CSMD1: variants seen among roughly 807,000 people sequenced by gnomAD.
CSMD1 encodes the protein CUB and sushi domain-containing protein 1.
Under a neutral mutation model 417.5 loss-of-function variants are expected in CSMD1, and 213 were observed. The observed-to-expected ratio is 0.51, with a 90% CI of 0.46 to 0.57. CSMD1 has a LOEUF of 0.57. CSMD1 is among the 20% of genes least tolerant of loss of function. The probability of loss-of-function intolerance (pLI) is 0.00; values close to 1 mark genes in which losing one functional copy is unlikely to be tolerated. For synonymous variants in CSMD1, 2,862 were observed against 1,736.8 expected (o/e 1.65, Z -16.11); for missense variants, 6,923 against 4,529.7 (o/e 1.53, Z -15.17).
chr8:3,571,863 C>G (rs1208316561), intron 10 of CSMD1, among the ~76,000 whole-genome samples: 2 of 152,158 alleles, frequency 1.3e-5, no homozygotes, highest in South Asian at 2.1e-4. Context: ...CGTCTCACGT[C>G]TCCTTCTGGA....
intron 11 of CSMD1, among the ~76,000 whole-genome samples, chr8:3,492,364 G>A (rs928878123): frequency 6.6e-6 from 1 of 152,054 alleles, no homozygotes; most frequent in South Asian, 2.1e-4. Context: ...CAGCTCATCT[G>A]GCACCACAGA....
At chr8:4,313,221 A>C (rs1798728342) in intron 3 of CSMD1, among the ~76,000 whole-genome samples, 2 of 152,044 alleles carry the variant, frequency 1.3e-5, no homozygotes, top group African/African-American at 4.8e-5. Flanking sequence ...AAAGCTTAAC[A>C]ACCCTGAAAA....
At chr8:4,013,963 C>G (rs1042821450) in intron 4 of CSMD1, among the ~76,000 whole-genome samples, 1 of 152,140 alleles carries the variant, frequency 6.6e-6, no homozygotes, top group African/African-American at 2.4e-5. Flanking sequence ...TAATACTTTG[C>G]AGGTCCTCAA....
chr8:4,258,680 G>A (rs191190269), intron 3 of CSMD1, among the ~76,000 whole-genome samples: 1 of 151,554 alleles, frequency 6.6e-6, no homozygotes, highest in Admixed American at 6.6e-5. Context: ...TCACCTTCCA[G>A]AGGACTTACC....
intron 5 of CSMD1, among the ~76,000 whole-genome samples, chr8:3,955,244 C>A (rs563660859): frequency 6.4e-4 from 98 of 152,234 alleles, no homozygotes; most frequent in African/African-American, 2.2e-3. Flanking sequence ...CCCCACAGAT[C>A]CCACCGGCAA....
At chr8:3,743,873 T>C (rs1563332574) in intron 6 of CSMD1, among the ~76,000 whole-genome samples, 1 of 152,210 alleles carries the variant, frequency 6.6e-6, no homozygotes, top group East Asian at 1.9e-4. Context: ...TTATCGTATG[T>C]AAAATCCAGA....
chr8:3,557,625 T>C (rs1380142994), intron 10 of CSMD1, among the ~76,000 whole-genome samples: 4 of 152,174 alleles, frequency 2.6e-5, no homozygotes, highest in African/African-American at 7.2e-5. Context: ...TTCCTCTGCT[T>C]TGAGGCCCTA....
intron 10 of CSMD1, among the ~76,000 whole-genome samples, chr8:3,541,555 T>C (rs920919368): frequency 1.4e-5 from 2 of 144,030 alleles, no homozygotes; most frequent in Non-Finnish European, 3.0e-5. Flanking sequence ...AATATGAGAA[T>C]AAATTAAATA....
chr8:3,481,385 G>A (rs372666656), intron 11 of CSMD1, among the ~76,000 whole-genome samples: 37 of 152,138 alleles, frequency 2.4e-4, no homozygotes, highest in East Asian at 7.7e-4. Context: ...TTAGAACAGC[G>A]TCTGGTACTT....
rs142525979 is a variant in CSMD1, at chr8:3,297,569, A to G, written c.3950+10126T>C. On this transcript the variant is annotated intron_variant, in intron 25 of 69. Coordinates refer to ENST00000635120, the MANE Select transcript of CSMD1 (RefSeq NM_033225.6). Reference sequence around the variant, plus strand: ...GTACTATAGTGCAATAAAGAAATAAATCACTTCAGCAAATTGTCAATTGAA... The same window carrying G: ...GTACTATAGTGCAATAAAGAAATAAGTCACTTCAGCAAATTGTCAATTGAA... Among the ~76,000 whole-genome samples the G allele has an allele frequency of 2.2e-3, 338 of 152,360 alleles. 2 individuals are homozygous for G. The highest frequency in any genetic ancestry group is 7.6e-3 in the African/African-American group (317 of 41,578).
At chr8:3,691,885 T>C (rs1318517251) in intron 7 of CSMD1, among the ~76,000 whole-genome samples, 3 of 152,226 alleles carry the variant, frequency 2.0e-5, no homozygotes, top group African/African-American at 4.8e-5. Flanking sequence ...CTATGACTTC[T>C]ATGGCTTCAA....
At position 3,142,669 on chromosome 8, in the gene CSMD1, G is replaced by A. The variant is rs368269348; in HGVS notation, c.6037C>T (p.His2013Tyr). 4.3e-6 allele frequency: 7 copies of A among 1,609,366 alleles called. No individual in the cohort carries two copies. The East Asian group carries it at 8.9e-5, about 21-fold the overall frequency. The change falls in exon 41 of 70, where the codon CAT becomes TAT. Residue 2013 changes from histidine to tyrosine, a missense_variant. Transcript: ENST00000635120. ...RISLPIGYGA[H>Y]IQFLNFSTEA... ...GTAGAAAAATTCAGAAACTGAATAT[G>A]TGCACCTATGGAAAAACATGCAAAC...
chr8:3,508,048 T>C (rs1796905191), intron 10 of CSMD1, among the ~76,000 whole-genome samples: 1 of 152,168 alleles, frequency 6.6e-6, no homozygotes, highest in African/African-American at 2.4e-5. Context: ...TTTGTTGCCA[T>C]TGCTTTTGGT....
intron 25 of CSMD1, among the ~76,000 whole-genome samples, chr8:3,300,115 A>C (rs141920358): frequency 1.3e-5 from 2 of 152,236 alleles, no homozygotes; most frequent in African/African-American, 4.8e-5. Flanking sequence ...CAGGCAATGG[A>C]ATACTATCCG....
intron 1 of CSMD1, among the ~76,000 whole-genome samples, chr8:4,969,768 C>A (rs1340520207): frequency 6.6e-6 from 1 of 152,008 alleles, no homozygotes; most frequent in Non-Finnish European, 1.5e-5. Flanking sequence ...CCTGAGAAGA[C>A]AATGAGGCTG....
At chr8:4,563,555 C>G (rs573048084) in intron 2 of CSMD1, among the ~76,000 whole-genome samples, 24 of 152,328 alleles carry the variant, frequency 1.6e-4, no homozygotes, top group Middle Eastern at 6.8e-3. Context: ...CATCCTCACT[C>G]CAACTGTAGT....
intron 51 of CSMD1, among the ~76,000 whole-genome samples, chr8:3,027,282 TG>T (rs1360980801): frequency 6.6e-6 from 1 of 152,152 alleles, no homozygotes; most frequent in East Asian, 1.9e-4. Context: ...TTCCCTGGTG[TG>T]GAATTGGTTC....
chr8:4,396,597 G>C (rs748138688), intron 3 of CSMD1, among the ~76,000 whole-genome samples: 17 of 151,382 alleles, frequency 1.1e-4, no homozygotes, highest in Admixed American at 2.0e-4. Flanking sequence ...CAAGCAATGA[G>C]TGCATAAGGA....
chr8:3,909,309 C>G (rs1193307787), intron 5 of CSMD1, among the ~76,000 whole-genome samples: 1 of 152,120 alleles, frequency 6.6e-6, no homozygotes, highest in Non-Finnish European at 1.5e-5. Flanking sequence ...ACTTTTACTT[C>G]TCCTAGGGTG....
Sources: gnomAD v4.1 joint callset for allele counts (sites outside exome capture counted in the v4.1 genomes callset) on GRCh38, gnomAD v4.1.1 for gene constraint, MANE v1.5 for transcripts, NCBI Gene and HGNC (gene_info 2026-07-23, HGNC 2026-07-21) for gene names.